Variants in PRPF8 observed in about 807,000 individuals in gnomAD.
PRPF8 encodes pre-mRNA-processing-splicing factor 8.
A neutral mutation model predicts 285.9 loss-of-function variants in PRPF8; 64 were observed. That is an observed-to-expected ratio of 0.22 (90% CI 0.18 to 0.28). PRPF8 has a LOEUF of 0.28. Among genes scored for constraint, PRPF8 ranks in the 10% least tolerant of loss-of-function variants. The pLI is 1.00. For synonymous variants in PRPF8, 1,325 were observed against 1,118.2 expected, an observed-to-expected ratio of 1.18 and a Z score of -3.69; for missense variants, 1,426 against 3,026.7, an observed-to-expected ratio of 0.47 and a Z score of 12.41.
chr17:1,664,873 T>A (rs908060367), intron 24 of PRPF8, among the ~76,000 whole-genome samples: 1 of 151,976 alleles, frequency 6.6e-6, no homozygotes, highest in African/African-American at 2.4e-5. Context: ...ATGTGAGGAA[T>A]GGGGCCGGGC....
Position 1,662,166 on chromosome 17 carries a change from G to GA in PRPF8, c.3775-14dup. ...ACTTATTCACAATCTAAAGGTAGTA[G>GA]AAAAAAAAGTAAATTACAGATGAGC... On this transcript the variant is annotated splice_polypyrimidine_tract_variant and intron_variant, in intron 24 of 42. Coordinates refer to ENST00000304992, the MANE Select transcript of PRPF8 (RefSeq NM_006445.4). The GA allele has an allele frequency of 8.1e-6, 13 of 1,613,784 alleles. No individual in the cohort carries two copies. Among genetic ancestry groups the GA allele is most frequent in the Non-Finnish European group, 9.3e-6 (11 of 1,179,902 alleles).
intron 6 of PRPF8, among the ~76,000 whole-genome samples, 163 bp from the exon 7 acceptor site, chr17:1,681,217 A>C (rs1319576112): frequency 1.3e-5 from 2 of 151,672 alleles, no homozygotes; most frequent in Non-Finnish European, 2.9e-5. Context: ...AGTAACTGAG[A>C]CTACACGAAG....
In PRPF8 at chr17:1,650,855, G is replaced by A. The variant is rs925931390; in HGVS notation, c.6955C>T (p.Leu2319Phe). 3.1e-6 allele frequency: 5 copies of A among 1,614,074 alleles called. No individual in the cohort carries two copies. The Admixed American group carries it at 8.3e-5, about 27-fold the overall frequency. ...GAGTAAACCTCCCCCTCCTGCAGGA[G>A]AGCAAAGTTGAGGAAGTGAGAGGGC... is the stretch of plus-strand genomic sequence containing the variant. ...HRPSHFLNFA[L>F]LQEGEVYSAD... The change falls in exon 43 of 43, where the codon CTC (leucine) becomes TTC (phenylalanine). Residue 2319 changes from leucine to phenylalanine, a missense_variant. Transcript: ENST00000304992.
chr17:1,679,696 C>T lies in PRPF8; in HGVS notation c.1202G>A (p.Gly401Asp). 1 of 1,614,172 alleles carries T rather than the reference C, an allele frequency of 6.2e-7. No homozygotes were observed. Among genetic ancestry groups the T allele is most frequent in the Non-Finnish European group, 8.5e-7 (1 of 1,180,034 alleles). Residue 401 changes from glycine to aspartate, a missense_variant, in exon 9 of 43, where the codon GGC (glycine) becomes GAC (aspartate). Transcript: ENST00000304992. This position sits in a 1 kb window ranked among gnomAD's most constrained non-coding sequence, Gnocchi z 4.7. The stretch of plus-strand genomic sequence containing the variant: ...CCGCGGGGCCCAGAGCAGGGCAATG[C>T]CATTGGCTGTATTGTCTGTATAGAG... ...TPLYTDNTAN[G>D]IALLWAPRPF...
At position 1,680,477 on chromosome 17, in the gene PRPF8, C is replaced by A. The variant is rs974631748; in HGVS notation, c.1098+249G>T. On this transcript the variant is annotated intron_variant, in intron 8 of 42. Transcript: ENST00000304992. ...AACAAACAAACACAATAGAGACAGACCGGGACAGATTATCTAGAGCACCCA... is the reference window on the plus strand; with the variant it reads ...AACAAACAAACACAATAGAGACAGAACGGGACAGATTATCTAGAGCACCCA... 5.1e-6 allele frequency: 3 copies of A among 584,802 alleles called. No individual in the cohort carries two copies. In the East Asian group the frequency reaches 8.8e-5, roughly 17 times the overall value. The allele number at this position is 584,802 out of a possible 1,614,324, so 36.2% of individuals were successfully genotyped here.
At chr17:1,652,779 G>A (rs995810014) in intron 39 of PRPF8, 2 of 148,446 alleles carry the variant, frequency 1.3e-5, no homozygotes, top group Admixed American at 1.4e-4. Context: ...CGAACTCCTG[G>A]GCTCAAAAGA....
At chr17:1,681,781 G>C in intron 5 of PRPF8, 39 bp downstream of exon 5, 2 of 1,612,236 alleles carry the variant, frequency 1.2e-6, no homozygotes, top group Non-Finnish European at 1.7e-6. Flanking sequence ...TGCATTTCCA[G>C]AACTCCTCCC....
chr17:1,678,998 T>C lies in PRPF8; in HGVS notation c.1599+19A>G, dbSNP rs537500514. On this transcript the variant is annotated intron_variant, in intron 11 of 42. Transcript: ENST00000304992. ...CCGTCCTTGAAGCCCAGGAGGCCCC[T>C]AGGGTCCAATGCAGGCACCTTGGTG... 17 of 1,613,954 alleles carry C rather than the reference T, an allele frequency of 1.1e-5. No individual in the cohort carries two copies. The highest frequency in any genetic ancestry group is 1.6e-4 in the Middle Eastern group (1 of 6,062).
chr17:1,670,510 C>T (rs1912247457), intron 24 of PRPF8, among the ~76,000 whole-genome samples: 1 of 152,124 alleles, frequency 6.6e-6, no homozygotes, highest in African/African-American at 2.4e-5. Context: ...TTTTTGGAGA[C>T]AGAGTCTCAC....
rs1191778531 is a variant in PRPF8, at chr17:1,675,577, T to C, written c.2872+43A>G. The C allele has an allele frequency of 6.2e-7, 1 of 1,611,734 alleles. No individual in the cohort carries two copies. The highest frequency in any genetic ancestry group is 1.7e-5 in the Admixed American group (1 of 59,996). On this transcript the variant is annotated intron_variant, in intron 19 of 42. Coordinates refer to ENST00000304992, the MANE Select transcript of PRPF8 (RefSeq NM_006445.4). The surrounding 1 kb of genome is among the most constrained non-coding windows in gnomAD (Gnocchi z 6.0). ...ATGAGATTTTTGACGTAGAACTAAA[T>C]TCCTGCCCCGTTCCTCACAGGGCGA...
rs1450396836 is a variant in PRPF8 at position 1,655,113 on chromosome 17, G to A, written c.5987+237C>T. ...GCTGGGATTACAGGTAGGCGCCATC[G>A]CACCCGGCTAACTTTTGTATTTTTA... On this transcript the variant is annotated intron_variant, in intron 37 of 42. Transcript: ENST00000304992. The A allele has an allele frequency of 3.4e-5, 17 of 502,126 alleles. No individual in the cohort carries two copies. In the East Asian group the frequency reaches 4.5e-4, roughly 13 times the overall value. The allele number at this position is 502,126 out of a possible 1,614,324, so 31.1% of individuals were successfully genotyped here.
Position 1,678,501 on chromosome 17 carries a change from T to C in PRPF8, c.1854+17A>G, listed in dbSNP as rs1567690048. ...TCTGTCTCAAAAAAAAGAAAGTCAGTAAAGTCAAGGTCTCACCGTGTTGAA... is the reference window on the plus strand; with the variant it reads ...TCTGTCTCAAAAAAAAGAAAGTCAGCAAAGTCAAGGTCTCACCGTGTTGAA... On this transcript the variant is annotated intron_variant, in intron 13 of 42. Coordinates refer to ENST00000304992, the MANE Select transcript of PRPF8 (RefSeq NM_006445.4). The C allele has an allele frequency of 1.2e-6, 2 of 1,613,990 alleles. No individual in the cohort carries two copies. Among genetic ancestry groups the C allele is most frequent in the Admixed American group, 3.3e-5 (2 of 60,000 alleles).
chr17:1,652,930 G>A (rs1190637966), intron 39 of PRPF8: 2 of 166,842 alleles, frequency 1.2e-5, no homozygotes, highest in South Asian at 1.4e-4. Context: ...CTACAGCCAC[G>A]TTTTTTTTGG....
intron 24 of PRPF8, among the ~76,000 whole-genome samples, chr17:1,666,562 C>A (rs1200327611): frequency 2.1e-5 from 3 of 145,534 alleles, no homozygotes; most frequent in African/African-American, 2.7e-5. Flanking sequence ...AAAAAAAAAT[C>A]AATGCAACAA....
Position 1,673,983 on chromosome 17 carries a change from C to A in PRPF8, c.3300-91G>T, listed in dbSNP as rs1365962583. 2.2e-6 allele frequency: 3 copies of A among 1,394,144 alleles called. No homozygotes were observed. Among genetic ancestry groups the A allele is most frequent in the African/African-American group, 1.4e-5 (1 of 70,872 alleles). The allele number at this position is 1,394,144 out of a possible 1,614,324, so 86.4% of individuals were successfully genotyped here. On this transcript the variant is annotated intron_variant, in intron 21 of 42. Coordinates refer to ENST00000304992, the MANE Select transcript of PRPF8 (RefSeq NM_006445.4). This position sits in a 1 kb window ranked among gnomAD's most constrained non-coding sequence, Gnocchi z 5.5. The stretch of plus-strand genomic sequence containing the variant: ...CCAGCTCAATAGACGGAGACCCCAC[C>A]CCATCCTACCCCCACCCTCCCCGGG...
intron 37 of PRPF8, 103 bp downstream of exon 37, chr17:1,655,247 C>T (rs531419537): frequency 1.5e-4 from 194 of 1,332,954 alleles, no homozygotes; most frequent in Non-Finnish European, 1.9e-4. Context: ...CATGAGCCAC[C>T]GCGCCTGGCC....
intron 24 of PRPF8, among the ~76,000 whole-genome samples, chr17:1,669,851 T>C (rs1380175736): frequency 6.6e-6 from 1 of 152,176 alleles, no homozygotes; most frequent in Non-Finnish European, 1.5e-5. Flanking sequence ...CATTTCCAAA[T>C]TCCTCCCTCT....
chr17:1,655,499 G>A lies in PRPF8; in HGVS notation c.5838C>T (p.Asn1946=), dbSNP rs150521800. 45 of 1,613,974 alleles carry A rather than the reference G, an allele frequency of 2.8e-5. No individual in the cohort carries two copies. The African/African-American group carries it at 5.2e-4, about 19-fold the overall frequency. Residue 1946 remains asparagine, a synonymous_variant, in exon 37 of 43, where the codon AAC becomes AAT. Coordinates refer to ENST00000304992, the MANE Select transcript of PRPF8 (RefSeq NM_006445.4). ...TCAGGATCACTTTTGCCCGATCGTTGTTCACATGTAGGGCACGCAGAATCA... is the reference window on the plus strand; with the variant it reads ...TCAGGATCACTTTTGCCCGATCGTTATTCACATGTAGGGCACGCAGAATCA... ...LILILRALHV[N]NDRAKVILKP...
In PRPF8 at chr17:1,684,806, C is replaced by A. The variant is rs888053893; in HGVS notation, c.-38G>T. 6.7e-6 allele frequency: 4 copies of A among 598,760 alleles called. No individual in the cohort carries two copies. Among genetic ancestry groups the A allele is most frequent in the Non-Finnish European group, 1.2e-5 (4 of 334,768 alleles). The allele number at this position is 598,760 out of a possible 1,614,324, so 37.1% of individuals were successfully genotyped here. The stretch of plus-strand genomic sequence containing the variant: ...CCACAGGCCCTCACACAAGAGGCCG[C>A]TTTCCCCGCAGCGCAATGGCGGCCA... On this transcript the variant is annotated 5_prime_UTR_variant, in exon 1 of 43. Coordinates refer to ENST00000304992, the MANE Select transcript of PRPF8 (RefSeq NM_006445.4).
Sources: gnomAD v4.1 joint callset for allele counts (sites outside exome capture counted in the v4.1 genomes callset) on GRCh38, gnomAD v4.1.1 for gene constraint, Gnocchi (gnomAD v3.1) non-coding constraint, MANE v1.5 for transcripts, NCBI Gene and HGNC (gene_info 2026-07-23, HGNC 2026-07-21) for gene names.